Variants in PHF14 observed in about 807,000 individuals in gnomAD.
The protein encoded by PHF14 is PHD finger protein 14.
A neutral mutation model predicts 117.9 loss-of-function variants in PHF14; 55 were observed. The ratio of observed to expected loss-of-function variants is 0.47; its 90% CI spans 0.38 to 0.58. The LOEUF (loss-of-function observed/expected upper bound fraction) is 0.58, where lower values mean the gene tolerates loss of function less well. Among genes scored for constraint, PHF14 ranks in the 20% least tolerant of loss-of-function variants. The pLI is 0.00. For missense variants in PHF14, 978 were observed against 1,122.2 expected, an observed-to-expected ratio of 0.87 and a Z score of 1.84; for synonymous variants, 409 against 368.6, an observed-to-expected ratio of 1.11 and a Z score of -1.26.
rs1465500135 is a variant in PHF14, at chr7:11,040,726, AAAG to A, written c.2135_2137del (p.Glu712del). The stretch of plus-strand genomic sequence containing the variant: ...ACCCAAGGAGAGAAAACCAAGTAAA[AAAG>A]AAGGAGGCACACAAAAGACATCTAC... On this transcript the variant is annotated inframe_deletion, in exon 12 of 18. Coordinates refer to ENST00000634607, the MANE Select transcript of PHF14 (RefSeq NM_001007157.2). 4.5e-6 allele frequency: 7 copies of A among 1,570,460 alleles called. No individual in the cohort carries two copies. The highest frequency in any genetic ancestry group is 5.2e-6 in the Non-Finnish European group (6 of 1,156,860).
intron 16 of PHF14, among the ~76,000 whole-genome samples, chr7:11,084,139 A>G (rs1195018783): frequency 6.6e-6 from 1 of 150,922 alleles, no homozygotes; most frequent in African/African-American, 2.5e-5. Context: ...AAGTATTTAC[A>G]ACCATTACTA....
At chr7:11,105,798 T>C (rs1787241014) in intron 16 of PHF14, 1 of 984,632 alleles carries the variant, frequency 1.0e-6, no homozygotes, top group Non-Finnish European at 1.2e-6. Context: ...TAAGATGTAA[T>C]GTAATTGGAT....
chr7:11,004,985 C>G (rs796320428), intron 4 of PHF14, among the ~76,000 whole-genome samples: 18 of 152,020 alleles, frequency 1.2e-4, no homozygotes, highest in African/African-American at 3.9e-4. Flanking sequence ...TCACTGCACT[C>G]CAGCCTGGGC....
In PHF14 at chr7:11,122,382, C is replaced by CACACACACAT. The variant is rs1426617620; in HGVS notation, c.2772+10918_2772+10919insCACACATACA. On this transcript the variant is annotated intron_variant, in intron 17 of 17. Coordinates refer to ENST00000634607, the MANE Select transcript of PHF14 (RefSeq NM_001007157.2). ...ACACACACACACACACACACACACA[C>CACACACACAT]ACATACATACACACACATATATATA... Among the ~76,000 whole-genome samples the CACACACACAT allele has an allele frequency of 9.0e-4, 109 of 120,936 alleles. 3 individuals are homozygous for CACACACACAT. Among genetic ancestry groups the CACACACACAT allele is most frequent in the African/African-American group, 3.6e-3 (109 of 30,058 alleles). 79.3% of individuals were successfully genotyped at this position (120,936 alleles called of 152,430 possible).
intron 5 of PHF14, among the ~76,000 whole-genome samples, chr7:11,020,805 A>T (rs140549149): frequency 6.6e-6 from 1 of 152,246 alleles, no homozygotes; most frequent in Non-Finnish European, 1.5e-5. Flanking sequence ...TAAATGAACA[A>T]CCTCCTACTC....
chr7:11,067,909 C>A (rs944732246), intron 16 of PHF14, among the ~76,000 whole-genome samples: 1 of 152,134 alleles, frequency 6.6e-6, no homozygotes, highest in African/African-American at 2.4e-5. Flanking sequence ...GGTCAATAAT[C>A]TCTTCATGAA....
chr7:10,991,516 G>A (rs1391385824), intron 4 of PHF14, among the ~76,000 whole-genome samples: 3 of 151,880 alleles, frequency 2.0e-5, no homozygotes, highest in Admixed American at 2.0e-4. Context: ...CACCATATTG[G>A]CCAGGCTGGT....
chr7:11,124,113 G>C (rs1239617111), intron 17 of PHF14, among the ~76,000 whole-genome samples: 1 of 147,226 alleles, frequency 6.8e-6, no homozygotes, highest in Non-Finnish European at 1.5e-5. Context: ...AATACACTTT[G>C]GGGTTTTAAA....
chr7:11,137,421 G>A (rs1788253414), intron 17 of PHF14, among the ~76,000 whole-genome samples: 1 of 151,900 alleles, frequency 6.6e-6, no homozygotes, highest in Non-Finnish European at 1.5e-5. Context: ...AAAAGTTAAA[G>A]TTCACCAAGA....
chr7:10,991,865 T>C (rs1782467719), intron 4 of PHF14, among the ~76,000 whole-genome samples: 1 of 149,490 alleles, frequency 6.7e-6, no homozygotes, highest in Non-Finnish European at 1.5e-5. Flanking sequence ...CTCAAAGTGC[T>C]GAGATTACAG....
At chr7:11,139,120 A>G (rs1788331897) in intron 17 of PHF14, among the ~76,000 whole-genome samples, 1 of 152,158 alleles carries the variant, frequency 6.6e-6, no homozygotes, top group Non-Finnish European at 1.5e-5. Flanking sequence ...TTCTAGTTTC[A>G]CTGAAATTGG....
chr7:11,089,109 C>T (rs1040505536), intron 16 of PHF14, among the ~76,000 whole-genome samples: 18 of 151,368 alleles, frequency 1.2e-4, no homozygotes, highest in Admixed American at 3.9e-4. Context: ...AAAAAAAAAC[C>T]GTAGCCCTGA....
intron 6 of PHF14, among the ~76,000 whole-genome samples, chr7:11,028,340 A>T (rs755729087): frequency 1.6e-4 from 24 of 152,170 alleles, no homozygotes; most frequent in Non-Finnish European, 2.8e-4. Context: ...AAAGTTAAAA[A>T]ATTAGAAGTG....
chr7:11,154,615 T>C (rs1788790356), intron 17 of PHF14, among the ~76,000 whole-genome samples: 1 of 152,190 alleles, frequency 6.6e-6, no homozygotes, highest in Admixed American at 6.5e-5. Flanking sequence ...TGGACTATTA[T>C]GCTAACATTA....
At chr7:11,082,534 A>G (rs969359803) in intron 16 of PHF14, among the ~76,000 whole-genome samples, 24 of 152,148 alleles carry the variant, frequency 1.6e-4, no homozygotes, top group African/African-American at 5.6e-4. Context: ...TTGTTATTCA[A>G]TCATTTATGC....
intron 3 of PHF14, 92 bp downstream of exon 3, chr7:10,983,251 A>G: frequency 7.1e-7 from 1 of 1,407,626 alleles, no homozygotes; most frequent in African/African-American, 1.4e-5. Context: ...GGCTTCCTTG[A>G]AATCCTATTT....
At chr7:11,017,333 G>A (rs1220178717) in intron 5 of PHF14, among the ~76,000 whole-genome samples, 4 of 152,120 alleles carry the variant, frequency 2.6e-5, no homozygotes, top group Non-Finnish European at 5.9e-5. Context: ...CTTCATCATG[G>A]TTGTACTAAT....
At position 11,050,881 on chromosome 7, in the gene PHF14, A is replaced by C. The variant is rs372733900; in HGVS notation, c.2313-731A>C. Among the ~76,000 whole-genome samples, 41 of 152,172 alleles carry C rather than the reference A, an allele frequency of 2.7e-4. No individual in the cohort carries two copies. The East Asian group carries it at 5.8e-3, about 21-fold the overall frequency. On this transcript the variant is annotated intron_variant, in intron 13 of 17. Coordinates refer to ENST00000634607, the MANE Select transcript of PHF14 (RefSeq NM_001007157.2). Reference sequence around the variant, plus strand: ...CCAACACTTCTTGGAGTCTGTTTGTATAGTTTCTTTAAGTAGTATATTCAG... The same window carrying C: ...CCAACACTTCTTGGAGTCTGTTTGTCTAGTTTCTTTAAGTAGTATATTCAG...
chr7:11,074,301 C>T (rs1392149267), intron 16 of PHF14, among the ~76,000 whole-genome samples: 2 of 151,702 alleles, frequency 1.3e-5, no homozygotes, highest in East Asian at 3.9e-4. Context: ...AGTTCTGCCT[C>T]CCGGGTTCAT....
Sources: allele counts gnomAD v4.1 joint callset (sites outside exome capture counted in the v4.1 genomes callset), GRCh38; gene constraint gnomAD v4.1.1; transcripts MANE v1.5; gene names NCBI Gene and HGNC (gene_info 2026-07-23, HGNC 2026-07-21).